Variants in INPP4B observed in about 807,000 individuals in gnomAD.
INPP4B encodes inositol polyphosphate-4-phosphatase type II B.
INPP4B carries 55 observed loss-of-function variants against 122.5 expected under a neutral mutation model. The observed-to-expected ratio is 0.45, with a 90% CI of 0.36 to 0.56. The LOEUF (loss-of-function observed/expected upper bound fraction) is 0.56, where lower values mean the gene tolerates loss of function less well. INPP4B is among the 20% of genes least tolerant of loss of function. The pLI is 0.00. For synonymous variants in INPP4B, 403 were observed against 388.7 expected, an observed-to-expected ratio of 1.04 and a Z score of -0.43; for missense variants, 1,000 against 1,097.7, an observed-to-expected ratio of 0.91 and a Z score of 1.26.
chr4:142,397,179 A>G (rs1180990062), intron 7 of INPP4B, among the ~76,000 whole-genome samples: 6 of 152,218 alleles, frequency 3.9e-5, no homozygotes, highest in Admixed American at 1.3e-4. Flanking sequence ...TAGAAGCCTC[A>G]GCTCCCTCTA....
intron 1 of INPP4B, among the ~76,000 whole-genome samples, chr4:142,796,543 A>C (rs1331683840): frequency 6.6e-6 from 1 of 151,956 alleles, no homozygotes; most frequent in Non-Finnish European, 1.5e-5. Flanking sequence ...GAGGTAAAAA[A>C]GTCTGTCTGC....
At chr4:142,535,946 C>T (rs1828144522) in intron 2 of INPP4B, among the ~76,000 whole-genome samples, 1 of 152,158 alleles carries the variant, frequency 6.6e-6, no homozygotes, top group African/African-American at 2.4e-5. Flanking sequence ...CCTATGTCTA[C>T]ATCATGCATT....
intron 2 of INPP4B, among the ~76,000 whole-genome samples, chr4:142,573,540 A>G (rs1733269424): frequency 6.6e-6 from 1 of 152,018 alleles, no homozygotes; most frequent in East Asian, 1.9e-4. Flanking sequence ...AGTGATCTCT[A>G]TTGCCTGTTT....
chr4:142,726,834 C>T (rs1456207809), intron 1 of INPP4B, among the ~76,000 whole-genome samples: 1 of 152,102 alleles, frequency 6.6e-6, no homozygotes, highest in Non-Finnish European at 1.5e-5. Flanking sequence ...CATTTTTCAT[C>T]TGTAATATGG....
At chr4:142,817,356 A>G (rs147405710) in intron 1 of INPP4B, among the ~76,000 whole-genome samples, 2 of 152,278 alleles carry the variant, frequency 1.3e-5, no homozygotes, top group Non-Finnish European at 2.9e-5. Context: ...ATATCTGATG[A>G]GTTTCCATCA....
At chr4:142,148,229 TTGTGTGTGTGTTTGTG>T (rs1489639362) in intron 17 of INPP4B, among the ~76,000 whole-genome samples, 1 of 152,050 alleles carries the variant, frequency 6.6e-6, no homozygotes. Flanking sequence ...TGAAAGGAAC[TTGTGTGTGTGTTTGTG>T]TGTGTGTGTG....
At chr4:142,153,320 C>G (rs1815372256) in intron 17 of INPP4B, among the ~76,000 whole-genome samples, 1 of 152,136 alleles carries the variant, frequency 6.6e-6, no homozygotes, top group Admixed American at 6.5e-5. Flanking sequence ...AACAGTCTAC[C>G]TATATTTACC....
intron 7 of INPP4B, among the ~76,000 whole-genome samples, chr4:142,351,216 G>C (rs894689375): frequency 6.6e-6 from 1 of 151,914 alleles, no homozygotes; most frequent in Non-Finnish European, 1.5e-5. Context: ...CCATTAGTGG[G>C]ATAAATTTCA....
chr4:142,507,218 G>T (rs1580238248), intron 2 of INPP4B, among the ~76,000 whole-genome samples: 1 of 152,108 alleles, frequency 6.6e-6, no homozygotes, highest in African/African-American at 2.4e-5. Context: ...TTCAGGATGG[G>T]CATGGTGTCT....
intron 25 of INPP4B, among the ~76,000 whole-genome samples, chr4:142,034,453 C>T (rs1272742646): frequency 2.0e-5 from 3 of 151,994 alleles, no homozygotes; most frequent in South Asian, 2.1e-4. Context: ...TCTGCCCCCG[C>T]GATCCCCTCT....
intron 2 of INPP4B, among the ~76,000 whole-genome samples, chr4:142,469,476 T>C (rs1409119872): frequency 6.6e-6 from 1 of 152,128 alleles, no homozygotes; most frequent in African/African-American, 2.4e-5. Context: ...AAAATTCTAA[T>C]GAAAGTAATT....
chr4:142,100,771 T>C (rs774063419), intron 23 of INPP4B, among the ~76,000 whole-genome samples: 75 of 152,136 alleles, frequency 4.9e-4, no homozygotes, highest in South Asian at 8.3e-4. Flanking sequence ...AGCATGATGA[T>C]GAAGGGGCAA....
At chr4:142,334,830 T>C (rs1775998129) in intron 7 of INPP4B, among the ~76,000 whole-genome samples, 1 of 152,134 alleles carries the variant, frequency 6.6e-6, no homozygotes, top group Non-Finnish European at 1.5e-5. Flanking sequence ...TTTTTATTGT[T>C]TTGCTATTGA....
intron 14 of INPP4B, among the ~76,000 whole-genome samples, chr4:142,193,571 AT>A (rs925679622): frequency 6.6e-5 from 10 of 152,148 alleles, no homozygotes; most frequent in African/African-American, 2.4e-4. Context: ...AAATTCAACA[AT>A]AACGAACAAT....
chr4:142,252,310 T>C (rs1349710019), intron 11 of INPP4B, among the ~76,000 whole-genome samples: 1 of 149,404 alleles, frequency 6.7e-6, no homozygotes, highest in Non-Finnish European at 1.5e-5. Flanking sequence ...TGCCTCAGCC[T>C]CCCGAGTAGC....
intron 1 of INPP4B, among the ~76,000 whole-genome samples, chr4:142,809,068 G>T (rs1343126928): frequency 6.6e-6 from 1 of 151,972 alleles, no homozygotes; most frequent in Non-Finnish European, 1.5e-5. Context: ...AAATGGATTA[G>T]ATTTTTATCA....
chr4:142,463,993 C>T (rs1315300524), intron 2 of INPP4B, among the ~76,000 whole-genome samples: 5 of 152,056 alleles, frequency 3.3e-5, no homozygotes, highest in Non-Finnish European at 7.3e-5. Context: ...TGGGGACCCC[C>T]AATACAACCA....
At chr4:142,263,680 A>ATATATATATATATG (rs61694410) in intron 10 of INPP4B, among the ~76,000 whole-genome samples, 3,063 of 81,828 alleles carry the variant, frequency 0.037, 723 homozygotes, top group East Asian at 0.058. Context: ...ATATATATAT[A>ATATATATATATATG]ACATTGAACA....
chr4:142,582,652 C>T (rs539469918), intron 2 of INPP4B, among the ~76,000 whole-genome samples: 1 of 152,184 alleles, frequency 6.6e-6, no homozygotes, highest in African/African-American at 2.4e-5. Context: ...TTTGTAAAAA[C>T]CTTGCAATAA....
Sources: allele counts gnomAD v4.1 joint callset (sites outside exome capture counted in the v4.1 genomes callset), GRCh38; gene constraint gnomAD v4.1.1; transcripts MANE v1.5; gene names NCBI Gene and HGNC (gene_info 2026-07-23, HGNC 2026-07-21).